Variants in ARID4B observed in about 807,000 individuals in gnomAD.
ARID4B encodes AT-rich interactive domain-containing protein 4B.
ARID4B carries 26 observed loss-of-function variants against 147.5 expected under a neutral mutation model. That is an observed-to-expected ratio of 0.18 (90% CI 0.13 to 0.24). The LOEUF is 0.24. ARID4B is among the 10% of genes least tolerant of loss of function. The pLI, the probability that ARID4B is intolerant of heterozygous loss-of-function variation, is 1.00. For missense variants in ARID4B, 1,179 were observed against 1,511.5 expected, an observed-to-expected ratio of 0.78 and a Z score of 3.65; for synonymous variants, 512 against 507.9, an observed-to-expected ratio of 1.01 and a Z score of -0.11.
intron 2 of ARID4B, among the ~76,000 whole-genome samples, chr1:235,270,544 CA>C (rs1670915255): frequency 6.6e-6 from 1 of 152,158 alleles, no homozygotes; most frequent in South Asian, 2.1e-4. Context: ...CAAATATTAA[CA>C]GAAGAGTATC....
At chr1:235,236,034 C>T (rs1273501703) in intron 8 of ARID4B, among the ~76,000 whole-genome samples, 1 of 151,642 alleles carries the variant, frequency 6.6e-6, no homozygotes. Flanking sequence ...TCAATCGATC[C>T]TCCCACCTCA....
intron 2 of ARID4B, among the ~76,000 whole-genome samples, chr1:235,302,764 C>T (rs543363526): frequency 6.6e-6 from 1 of 152,224 alleles, no homozygotes; most frequent in African/African-American, 2.4e-5. Flanking sequence ...ACATGGATTA[C>T]CTCATTCAAT....
chr1:235,313,642 G>A (rs1317566272), intron 2 of ARID4B, among the ~76,000 whole-genome samples: 2 of 152,208 alleles, frequency 1.3e-5, no homozygotes, highest in Non-Finnish European at 2.9e-5. Context: ...AGTATCTTCA[G>A]TAGTTCACCT....
At chr1:235,177,660 G>A in intron 21 of ARID4B, 140 bp downstream of exon 21, 1 of 533,198 alleles carries the variant, frequency 1.9e-6, no homozygotes, top group Non-Finnish European at 3.2e-6. Context: ...TAGCCTTACA[G>A]AATTTGTGTG....
intron 7 of ARID4B, among the ~76,000 whole-genome samples, chr1:235,243,897 G>T (rs1669142059): frequency 6.6e-6 from 1 of 152,008 alleles, no homozygotes; most frequent in Non-Finnish European, 1.5e-5. Flanking sequence ...AGGAGGAAAT[G>T]AATCAAATTC....
chr1:235,251,398 T>C (rs1372237927), intron 6 of ARID4B, among the ~76,000 whole-genome samples: 19 of 151,720 alleles, frequency 1.3e-4, no homozygotes, highest in Admixed American at 1.2e-3. Context: ...AGTCTGAAAA[T>C]ACCAAGCAGT....
intron 17 of ARID4B, among the ~76,000 whole-genome samples, chr1:235,203,824 A>T (rs909708172): frequency 2.6e-5 from 4 of 152,194 alleles, no homozygotes; most frequent in Admixed American, 2.0e-4. Flanking sequence ...CAAGATAAAA[A>T]GCAGTGTTAA....
At position 235,175,153 on chromosome 1, in the gene ARID4B, T is replaced by C. The variant is rs766930539; in HGVS notation, c.3664+31A>G. The C allele has an allele frequency of 1.5e-5, 24 of 1,566,036 alleles. No homozygotes were observed. The South Asian group carries it at 2.7e-4, about 17-fold the overall frequency. On this transcript the variant is annotated intron_variant, in intron 22 of 23. Coordinates refer to ENST00000264183, the MANE Select transcript of ARID4B (RefSeq NM_016374.6). The stretch of plus-strand genomic sequence containing the variant: ...CAAAAAGAGTTACTAGGATGAAGTT[T>C]GTATGCTTGTCAATTTAACATGTCA...
intron 17 of ARID4B, among the ~76,000 whole-genome samples, chr1:235,210,619 C>T (rs866613418): frequency 2.6e-5 from 4 of 152,134 alleles, no homozygotes; most frequent in Non-Finnish European, 5.9e-5. Flanking sequence ...TACTGAAGTA[C>T]ATTTGTTTTC....
intron 8 of ARID4B, among the ~76,000 whole-genome samples, chr1:235,239,512 G>C (rs927933512): frequency 3.3e-5 from 5 of 152,092 alleles, no homozygotes; most frequent in African/African-American, 1.2e-4. Flanking sequence ...AGTTATGTCC[G>C]TGAAAGATAT....
intron 8 of ARID4B, among the ~76,000 whole-genome samples, chr1:235,236,860 A>T (rs374169120): frequency 0.065 from 1,312 of 20,230 alleles, 65 homozygotes; most frequent in Non-Finnish European, 0.1. Context: ...ATATATATAT[A>T]TATTTTTTTT....
chr1:235,170,517 T>C (rs951288316), intron 23 of ARID4B, among the ~76,000 whole-genome samples: 1 of 152,002 alleles, frequency 6.6e-6, no homozygotes, highest in African/African-American at 2.4e-5. Context: ...GGTGGGCGGA[T>C]CACAAGGTCA....
chr1:235,284,118 T>G (rs1363422525), intron 2 of ARID4B, among the ~76,000 whole-genome samples: 1 of 152,096 alleles, frequency 6.6e-6, no homozygotes, highest in African/African-American at 2.4e-5. Context: ...TCCCACCACT[T>G]TGGAAGGCCT....
intron 2 of ARID4B, among the ~76,000 whole-genome samples, chr1:235,265,258 C>T (rs1670530978): frequency 6.6e-6 from 1 of 151,266 alleles, no homozygotes; most frequent in Admixed American, 6.6e-5. Context: ...CCCAGCTACT[C>T]GGGAGGCTAA....
intron 17 of ARID4B, among the ~76,000 whole-genome samples, chr1:235,202,539 T>G (rs1237362881): frequency 6.7e-6 from 1 of 148,816 alleles, no homozygotes; most frequent in African/African-American, 2.5e-5. Context: ...TAAAATGAAG[T>G]ACAATGAAAA....
At chr1:235,182,922 G>A in intron 19 of ARID4B, 129 bp from the exon 20 acceptor site, 1 of 768,570 alleles carries the variant, frequency 1.3e-6, no homozygotes, top group East Asian at 2.8e-5. Context: ...TTATCTCTAT[G>A]TAACATGCAA....
chr1:235,326,601 C>CA (rs1279707795), intron 2 of ARID4B, among the ~76,000 whole-genome samples: 6 of 152,308 alleles, frequency 3.9e-5, no homozygotes, highest in Non-Finnish European at 7.4e-5. Flanking sequence ...TTTCTAGGGT[C>CA]AGATTACCTG....
In ARID4B at chr1:235,240,244, T is replaced by C. The variant is rs1011276825; in HGVS notation, c.585+69A>G. On this transcript the variant is annotated intron_variant, in intron 8 of 23. Transcript: ENST00000264183. Reference sequence around the variant, plus strand: ...ATTTTGTACCTATGAAAAACATTAGTAAGAAAATTGTTTTCTTCATAAACT... The same window carrying C: ...ATTTTGTACCTATGAAAAACATTAGCAAGAAAATTGTTTTCTTCATAAACT... 4 of 1,372,624 alleles carry C rather than the reference T, an allele frequency of 2.9e-6. No individual in the cohort carries two copies. The South Asian group carries it at 5.8e-5, about 20-fold the overall frequency. 85.0% of individuals were successfully genotyped at this position (1,372,624 alleles called of 1,614,324 possible).
intron 7 of ARID4B, among the ~76,000 whole-genome samples, chr1:235,242,002 C>T (rs138268711): frequency 0.01 from 1,561 of 151,756 alleles, 25 homozygotes; most frequent in African/African-American, 0.033. Flanking sequence ...ACTCCCAGCA[C>T]TTTGGGAGGC....
Sources: allele counts gnomAD v4.1 joint callset (sites outside exome capture counted in the v4.1 genomes callset), GRCh38; gene constraint gnomAD v4.1.1; transcripts MANE v1.5; gene names NCBI Gene and HGNC (gene_info 2026-07-23, HGNC 2026-07-21).